Variants in ERBB4 observed in about 807,000 individuals in gnomAD.
The protein encoded by ERBB4 is receptor tyrosine-protein kinase erbB-4.
ERBB4 carries 42 observed loss-of-function variants against 158.0 expected under a neutral mutation model. That is an observed-to-expected ratio of 0.27 (90% CI 0.21 to 0.34). The LOEUF (loss-of-function observed/expected upper bound fraction) is 0.34. Among genes scored for constraint, ERBB4 ranks in the 10% least tolerant of loss-of-function variants. ERBB4 has a pLI of 1.00. For missense variants in ERBB4, 1,333 were observed against 1,624.1 expected (o/e 0.82, Z 3.08); for synonymous variants, 583 against 558.7 (o/e 1.04, Z -0.61).
intron 3 of ERBB4, among the ~76,000 whole-genome samples, chr2:211,890,555 A>G (rs1350641047): frequency 6.6e-6 from 1 of 151,064 alleles, no homozygotes; most frequent in Non-Finnish European, 1.5e-5. Context: ...ACACATAACA[A>G]TATTAACTTT....
intron 13 of ERBB4, among the ~76,000 whole-genome samples, chr2:211,676,646 C>T (rs999645211): frequency 2.6e-5 from 4 of 152,062 alleles, no homozygotes; most frequent in Admixed American, 1.3e-4. Context: ...TATAGTGTTG[C>T]GAGTTCAGCC....
intron 20 of ERBB4, among the ~76,000 whole-genome samples, chr2:211,465,955 T>C (rs2064675235): frequency 6.6e-6 from 1 of 152,106 alleles, no homozygotes; most frequent in African/African-American, 2.4e-5. Flanking sequence ...TGAAGCTAAG[T>C]TCGGAATAAA....
intron 3 of ERBB4, among the ~76,000 whole-genome samples, chr2:211,804,329 T>C (rs1015828375): frequency 6.6e-6 from 1 of 152,178 alleles, no homozygotes; most frequent in Non-Finnish European, 1.5e-5. Flanking sequence ...TAGTCCTGCA[T>C]TAATCACTCA....
At chr2:211,930,335 A>G (rs748579867) in intron 3 of ERBB4, among the ~76,000 whole-genome samples, 17 of 152,344 alleles carry the variant, frequency 1.1e-4, no homozygotes, top group Non-Finnish European at 1.6e-4. Context: ...GGTTCTAAGC[A>G]ATGTGAGAGT....
intron 1 of ERBB4, among the ~76,000 whole-genome samples, chr2:212,313,270 T>C (rs1465968426): frequency 6.6e-6 from 1 of 150,818 alleles, no homozygotes; most frequent in African/African-American, 2.4e-5. Context: ...ACCAACACAA[T>C]ATAACTTTAC....
In ERBB4 at chr2:212,331,071, T is replaced by TATATATATATATATACAC. The variant is rs147932949; in HGVS notation, c.83-206169_83-206168insGTGTATATATATATATAT. 5.0e-5 allele frequency among the ~76,000 whole-genome samples: 6 copies of TATATATATATATATACAC among 120,022 alleles called. 1 individual carries two copies. The highest frequency in any genetic ancestry group is 9.2e-5 in the Non-Finnish European group (5 of 54,492). The allele number at this position is 120,022 out of a possible 152,430, so 78.7% of individuals were successfully genotyped here. ...TATTTGTAATTTGTATATATATATA[T>TATATATATATATATACAC]ACACATATATATATATGCCCATAAC... On this transcript the variant is annotated intron_variant, in intron 1 of 27. Transcript: ENST00000342788.
chr2:211,966,256 T>A (rs112736235), intron 2 of ERBB4, among the ~76,000 whole-genome samples: 32 of 152,170 alleles, frequency 2.1e-4, no homozygotes, highest in East Asian at 5.8e-4. Flanking sequence ...TATTATTATT[T>A]TTTGAGACGG....
intron 15 of ERBB4, among the ~76,000 whole-genome samples, chr2:211,658,365 G>A (rs1470703586): frequency 4.6e-4 from 69 of 150,674 alleles, no homozygotes; most frequent in Non-Finnish European, 1.8e-4. Context: ...TCTTCTTAAA[G>A]GCCTTAAGTT....
chr2:211,854,043 A>ATCCACCC (rs1468898157), intron 3 of ERBB4, among the ~76,000 whole-genome samples: 3 of 152,262 alleles, frequency 2.0e-5, no homozygotes, highest in African/African-American at 7.2e-5. Context: ...AGTAGATCTT[A>ATCCACCC]TCCACCCAAA....
At position 212,470,737 on chromosome 2, in the gene ERBB4, C is replaced by A. The variant is rs1291885916; in HGVS notation, c.82+67712G>T. Reference sequence around the variant, plus strand: ...TTGCCCGTTATTAGCTGGGTAACTTCAACCCTTTGGGGGAATATACACTAA... The same window carrying A: ...TTGCCCGTTATTAGCTGGGTAACTTAAACCCTTTGGGGGAATATACACTAA... On this transcript the variant is annotated intron_variant, in intron 1 of 27. Coordinates refer to ENST00000342788, the MANE Select transcript of ERBB4 (RefSeq NM_005235.3). Among the ~76,000 whole-genome samples, 3 of 152,038 alleles carry A rather than the reference C, an allele frequency of 2.0e-5. No homozygotes were observed. The East Asian group carries it at 5.8e-4, about 29-fold the overall frequency.
At chr2:212,516,264 T>A (rs1453591035) in intron 1 of ERBB4, among the ~76,000 whole-genome samples, 2 of 151,760 alleles carry the variant, frequency 1.3e-5, no homozygotes, top group East Asian at 3.9e-4. Context: ...TTTCTTCATT[T>A]TTGCTATATG....
In ERBB4 at chr2:211,382,536, A is replaced by G; in HGVS notation, c.*1079T>C. 4.3e-6 allele frequency: 1 copy of G among 232,974 alleles called. No individual in the cohort carries two copies. The highest frequency in any genetic ancestry group is 8.5e-6 in the Non-Finnish European group (1 of 117,656). 14.4% of individuals were successfully genotyped at this position (232,974 alleles called of 1,614,324 possible). A position where few individuals can be genotyped will look rare whatever the true frequency, so the allele number is the denominator to read the frequency against. ...AAATAAAATTACAGCTTAAGTGCAA[A>G]CTACATTTCTGAGTATCTGCCAGGT... On this transcript the variant is annotated 3_prime_UTR_variant, in exon 28 of 28. Transcript: ENST00000342788.
intron 20 of ERBB4, among the ~76,000 whole-genome samples, chr2:211,485,886 C>T (rs1003362238): frequency 6.6e-6 from 1 of 151,836 alleles, no homozygotes; most frequent in Non-Finnish European, 1.5e-5. Flanking sequence ...AAATAAAAGG[C>T]ATTACAGAAA....
At position 211,703,985 on chromosome 2, in the gene ERBB4, A is replaced by T. The variant is rs2073346203; in HGVS notation, c.1289+119T>A. Reference sequence around the variant, plus strand: ...ATTGAGCTTATCTTTGGAAATAAGGATGGAAGCATGATTTCCCCAGAATCA... The same window carrying T: ...ATTGAGCTTATCTTTGGAAATAAGGTTGGAAGCATGATTTCCCCAGAATCA... On this transcript the variant is annotated intron_variant, in intron 11 of 27. Coordinates refer to ENST00000342788, the MANE Select transcript of ERBB4 (RefSeq NM_005235.3). 3 of 754,592 alleles carry T rather than the reference A, an allele frequency of 4.0e-6. No homozygotes were observed. In the Admixed American group the frequency reaches 5.6e-5, roughly 14 times the overall value. The allele number at this position is 754,592 out of a possible 1,614,324, so 46.7% of individuals were successfully genotyped here. A position where few individuals can be genotyped will look rare whatever the true frequency, so the allele number is the denominator to read the frequency against.
At chr2:212,255,605 T>C (rs778986813) in intron 1 of ERBB4, among the ~76,000 whole-genome samples, 6 of 152,144 alleles carry the variant, frequency 3.9e-5, no homozygotes, top group Non-Finnish European at 8.8e-5. Context: ...TTGGTGTGTG[T>C]GTGTTTTTTT....
Position 212,446,599 on chromosome 2 carries a change from AT to A in ERBB4, c.82+91849del, listed in dbSNP as rs2092357702. Among the ~76,000 whole-genome samples, 5 of 19,268 alleles carry A rather than the reference AT, an allele frequency of 2.6e-4. 2 individuals carry two copies. The highest frequency in any genetic ancestry group is 1.3e-3 in the African/African-American group (5 of 3,762). 12.6% of individuals were successfully genotyped at this position (19,268 alleles called of 152,430 possible). Reference sequence around the variant, plus strand: ...CTCCCATATATATATATGTATATATATATATATATATATATATATATATATA... The same window carrying A: ...CTCCCATATATATATATGTATATATAATATATATATATATATATATATATA... On this transcript the variant is annotated intron_variant, in intron 1 of 27. Coordinates refer to ENST00000342788, the MANE Select transcript of ERBB4 (RefSeq NM_005235.3).
At chr2:211,464,421 G>A (rs144969847) in intron 20 of ERBB4, among the ~76,000 whole-genome samples, 288 of 152,244 alleles carry the variant, frequency 1.9e-3, no homozygotes, top group African/African-American at 6.6e-3. Context: ...TATGACTGAA[G>A]TTCTTCAATT....
chr2:212,481,284 C>T (rs1420227290), intron 1 of ERBB4, among the ~76,000 whole-genome samples: 3 of 151,938 alleles, frequency 2.0e-5, no homozygotes, highest in African/African-American at 7.3e-5. Context: ...TATATGAATG[C>T]TTTTTGAAAG....
chr2:211,791,892 CT>C (rs1402799247), intron 3 of ERBB4, among the ~76,000 whole-genome samples: 2 of 151,130 alleles, frequency 1.3e-5, no homozygotes, highest in Admixed American at 6.6e-5. Flanking sequence ...TGTCACGAAT[CT>C]TTTTTTATTT....
Sources: gnomAD v4.1 joint callset for allele counts (sites outside exome capture counted in the v4.1 genomes callset) on GRCh38, gnomAD v4.1.1 for gene constraint, MANE v1.5 for transcripts, NCBI Gene and HGNC (gene_info 2026-07-23, HGNC 2026-07-21) for gene names.